The following NFATC3 variants were observed in gnomAD, a reference collection of about 807,000 sequenced individuals.
NFATC3 encodes the protein nuclear factor of activated T cells 3, also known as nuclear factor of activated T-cells, cytoplasmic 3.
In NFATC3, 46 loss-of-function variants were observed where a neutral mutation model predicts 98.6. The ratio of observed to expected loss-of-function variants is 0.47; its 90% confidence interval spans 0.37 to 0.60. NFATC3 has a LOEUF of 0.60. NFATC3 is among the 20% of genes least tolerant of loss of function. The pLI, the probability that NFATC3 is intolerant of heterozygous loss-of-function variation, is 0.00. For missense variants in NFATC3, 1,256 were observed against 1,295.5 expected (o/e 0.97, Z 0.47); for synonymous variants, 512 against 472.2 (o/e 1.08, Z -1.09).
intron 9 of NFATC3, among the ~76,000 whole-genome samples, chr16:68,219,214 C>G (rs1018623391): frequency 1.3e-5 from 2 of 151,820 alleles, no homozygotes; most frequent in Non-Finnish European, 2.9e-5. Context: ...AACCCCGCCT[C>G]TACTAAAATA....
intron 9 of NFATC3, among the ~76,000 whole-genome samples, chr16:68,194,663 G>T (rs2040585774): frequency 1.3e-5 from 2 of 152,162 alleles, no homozygotes; most frequent in South Asian, 4.1e-4. Context: ...GAGATTTATT[G>T]AGACTTTAAG....
chr16:68,225,558 G>C (rs903212583), intron 9 of NFATC3: 2 of 152,178 alleles, frequency 1.3e-5, no homozygotes, highest in African/African-American at 4.8e-5. Context: ...TCACTTGGTA[G>C]ACATTTGGAT....
chr16:68,184,628 C>A (rs914466786), intron 8 of NFATC3, among the ~76,000 whole-genome samples: 1 of 152,000 alleles, frequency 6.6e-6, no homozygotes, highest in East Asian at 1.9e-4. Context: ...ATGGTGAAAC[C>A]CCGTCTCTAC....
At position 68,135,457 on chromosome 16, in the gene NFATC3, C is replaced by CA. The variant is rs60331468; in HGVS notation, c.1401+8873dup. ...TGGGGGACACAGCGAGACTCCGTCT[C>CA]AAAAAAAAAAAAAAAAAAAAAAAAA... On this transcript the variant is annotated intron_variant, in intron 3 of 9. Transcript: ENST00000346183. Among the ~76,000 whole-genome samples the CA allele has an allele frequency of 4.7e-3, 373 of 78,588 alleles. 15 individuals are homozygous for CA. Among genetic ancestry groups the CA allele is most frequent in the African/African-American group, 6.0e-3 (109 of 18,228 alleles). 51.6% of individuals were successfully genotyped at this position (78,588 alleles called of 152,430 possible).
At chr16:68,138,722 T>G (rs1181838170) in intron 3 of NFATC3, 1 of 1,288,840 alleles carries the variant, frequency 7.8e-7, no homozygotes, top group African/African-American at 1.5e-5. Flanking sequence ...AGTCCCTGGC[T>G]GGGCAGCCTT....
intron 7 of NFATC3, 102 bp from the exon 8 acceptor site, chr16:68,183,138 A>G: frequency 1.6e-6 from 2 of 1,219,660 alleles, no homozygotes; most frequent in South Asian, 1.5e-5. Flanking sequence ...ATAATTATCT[A>G]TGCTGGAGCC....
chr16:68,091,206 A>G (rs1057075960), intron 1 of NFATC3, among the ~76,000 whole-genome samples: 1 of 152,226 alleles, frequency 6.6e-6, no homozygotes, highest in Non-Finnish European at 1.5e-5. Flanking sequence ...ATTAGGTGTT[A>G]TAAAAGTTAA....
chr16:68,226,098 C>T (rs2042029161), intron 9 of NFATC3: 1 of 367,576 alleles, frequency 2.7e-6, no homozygotes, highest in East Asian at 4.9e-5. Flanking sequence ...TTAAACATAC[C>T]TTTAGAGTGA....
rs2042074120 is a variant in NFATC3 at position 68,228,245 on chromosome 16, T to C, written c.*1774T>C. The C allele has an allele frequency of 6.6e-6, 1 of 152,244 alleles. No individual in the cohort carries two copies. The highest frequency in any genetic ancestry group is 1.5e-5 in the Non-Finnish European group (1 of 68,044). 9.4% of individuals were successfully genotyped at this position (152,244 alleles called of 1,614,324 possible). A position where few individuals can be genotyped will look rare whatever the true frequency, so the allele number is the denominator to read the frequency against. On this transcript the variant is annotated 3_prime_UTR_variant, in exon 10 of 10. Coordinates refer to ENST00000346183, the MANE Select transcript of NFATC3 (RefSeq NM_173165.3). ...CTTGGAGCTGGGTGTTTTCAAATTT[T>C]CTTGAAAAGTGAGTTGTGTCACAGA...
At chr16:68,150,021 G>GA (rs751576155) in intron 3 of NFATC3, among the ~76,000 whole-genome samples, 11 of 152,146 alleles carry the variant, frequency 7.2e-5, no homozygotes, top group Non-Finnish European at 1.3e-4. Flanking sequence ...TATCCTTTGA[G>GA]AAGGGTAGTT....
intron 3 of NFATC3, among the ~76,000 whole-genome samples, chr16:68,135,919 T>C (rs576534863): frequency 6.6e-6 from 1 of 151,684 alleles, no homozygotes; most frequent in East Asian, 1.9e-4. Flanking sequence ...AAAAATTAGC[T>C]GGGCATGGTG....
At chr16:68,092,854 G>A (rs950864108) in intron 1 of NFATC3, among the ~76,000 whole-genome samples, 2 of 152,124 alleles carry the variant, frequency 1.3e-5, no homozygotes, top group Non-Finnish European at 2.9e-5. Context: ...CTTTTATTGG[G>A]TTAGTTGGCT....
Position 68,224,126 on chromosome 16 carries a change from T to A in NFATC3, c.3107-2224T>A, listed in dbSNP as rs63263962. 2.3e-3 allele frequency among the ~76,000 whole-genome samples: 166 copies of A among 72,430 alleles called. 2 individuals carry two copies. The highest frequency in any genetic ancestry group is 2.8e-3 in the African/African-American group (41 of 14,520). The allele number at this position is 72,430 out of a possible 152,430, so 47.5% of individuals were successfully genotyped here. On this transcript the variant is annotated intron_variant, in intron 9 of 9. Transcript: ENST00000346183. ...CCGGACACGGTGGCATGCACCAGTT[T>A]AAAAAAAAAAAAAAAAAAAAGCTTA...
intron 8 of NFATC3, 30 bp downstream of exon 8, chr16:68,183,396 A>G: frequency 8.7e-6 from 14 of 1,604,358 alleles, no homozygotes; most frequent in Non-Finnish European, 1.1e-5. Flanking sequence ...TTTACTATAG[A>G]GCTTTCTTTC....
At chr16:68,111,098 A>G (rs1273757745) in intron 1 of NFATC3, among the ~76,000 whole-genome samples, 1 of 152,236 alleles carries the variant, frequency 6.6e-6, no homozygotes, top group Non-Finnish European at 1.5e-5. Context: ...AGTAAGTGCC[A>G]TGTGGCACTG....
rs397955987 is a variant in NFATC3 at position 68,226,897 on chromosome 16, C to CAAAAAAAAAAAAAAAAAAAAAAAAAAA, written c.*452_*453insAAAAAAAAAAAAAAAAAAAAAAAAAAA. 26 of 30,334 alleles carry CAAAAAAAAAAAAAAAAAAAAAAAAAAA rather than the reference C, an allele frequency of 8.6e-4. No individual in the cohort carries two copies. The highest frequency in any genetic ancestry group is 1.7e-3 in the South Asian group (1 of 580). The allele number at this position is 30,334 out of a possible 1,614,324, so 1.9% of individuals were successfully genotyped here. ...AACTTTTGATAAGACCTTCTAGAAG[C>CAAAAAAAAAAAAAAAAAAAAAAAAAAA]AAAAAAAAAAAAAAAAAAAAAAAAA... On this transcript the variant is annotated 3_prime_UTR_variant, in exon 10 of 10. Coordinates refer to ENST00000346183, the MANE Select transcript of NFATC3 (RefSeq NM_173165.3).
chr16:68,128,711 G>C (rs752144631), intron 3 of NFATC3, among the ~76,000 whole-genome samples: 2 of 152,184 alleles, frequency 1.3e-5, no homozygotes, highest in Non-Finnish European at 2.9e-5. Flanking sequence ...CTACTGGGGA[G>C]GCTGAGGCTT....
intron 9 of NFATC3, among the ~76,000 whole-genome samples, chr16:68,201,494 C>T (rs1166482912): frequency 6.6e-6 from 1 of 150,666 alleles, no homozygotes; most frequent in Non-Finnish European, 1.5e-5. Context: ...TGGTCTCAAA[C>T]TCCTGGGCTC....
At position 68,191,134 on chromosome 16, in the gene NFATC3, C is replaced by T; in HGVS notation, c.2465C>T (p.Ala822Val). 6.2e-7 allele frequency: 1 copy of T among 1,614,176 alleles called. No individual in the cohort carries two copies. The stretch of plus-strand genomic sequence containing the variant: ...CCAACTTGTCTTCCTATTAATGCTG[C>T]CTCTAGTCAAGAATTTGATTCAGTT... ...NGPTCLPINA[A>V]SSQEFDSVLF... The change falls in exon 9 of 10, where the codon GCC (alanine) becomes GTC (valine). Residue 822 changes from alanine (A) to valine (V), a missense_variant. Transcript: ENST00000346183.
Sources: gnomAD v4.1 joint callset for allele counts (sites outside exome capture counted in the v4.1 genomes callset) on GRCh38, gnomAD v4.1.1 for gene constraint, MANE v1.5 for transcripts, NCBI Gene and HGNC (gene_info 2026-07-23, HGNC 2026-07-21) for gene names.